Variants in LINC00632 observed in about 807,000 individuals in gnomAD.
The protein encoded by LINC00632 is long independently transcribed non-coding RNA 632.
intron 3 of LINC00632, among the ~76,000 whole-genome samples, chrX:140,759,288 CT>C (rs1462565640): frequency 3.1e-4 from 26 of 84,481 alleles, no homozygotes; most frequent in African/African-American, 1.3e-3. Flanking sequence ...TTCTTTCTTT[CT>C]TTCCTTCCTT....
chrX:140,785,184 TATAATAATAATAATA>T (rs777271354), exon 5 of LINC00632, among the ~76,000 whole-genome samples: 5 of 104,802 alleles, frequency 4.8e-5, no homozygotes, highest in African/African-American at 1.7e-4. Flanking sequence ...ATAATAATAA[TATAATAATAATAATA>T]ATAATAATAA....
chrX:140,732,254 G>T (rs1341525499), intron 2 of LINC00632, among the ~76,000 whole-genome samples: 2 of 111,447 alleles, frequency 1.8e-5, no homozygotes. Flanking sequence ...ACAGGCCCAT[G>T]CATAAAGAGC....
intron 2 of LINC00632, among the ~76,000 whole-genome samples, chrX:140,718,410 T>C (rs1324252194): frequency 9.9e-6 from 1 of 100,548 alleles, no homozygotes; most frequent in Admixed American, 1.0e-4. Context: ...ACTGCACCTA[T>C]TCTTTTTTTT....
In LINC00632 at chrX:140,789,825, A is replaced by C. The variant is rs147323170; in HGVS notation, n.17844A>C. On this transcript the variant is annotated non_coding_transcript_exon_variant, in exon 5 of 5. Transcript: ENST00000648200. The stretch of plus-strand genomic sequence containing the variant: ...GTCTTTTTTTATTATTAATTTGTAG[A>C]TCTCTGGATATTGGAGCTGATATCC... Among the ~76,000 whole-genome samples the C allele has an allele frequency of 7.7e-3, 854 of 110,397 alleles. 13 individuals carry two copies. Among genetic ancestry groups the C allele is most frequent in the African/African-American group, 0.027 (810 of 30,483 alleles).
chrX:140,750,608 T>C (rs1931397360), intron 3 of LINC00632, among the ~76,000 whole-genome samples: 1 of 111,325 alleles, frequency 9.0e-6, no homozygotes, highest in African/African-American at 3.3e-5. Context: ...TTAAAAACCA[T>C]GTCTATTGAT....
chrX:140,762,242 A>AGGGAGAGAGAGAGAGAGAGAGC (rs1286418753), intron 3 of LINC00632, among the ~76,000 whole-genome samples: 2,050 of 99,793 alleles, frequency 0.021, 64 homozygotes, highest in African/African-American at 0.073. Context: ...AGAGAGAGAG[A>AGGGAGAGAGAGAGAGAGAGAGC]GCACTCTTAT....
At chrX:140,758,264 T>C (rs1315657590) in intron 3 of LINC00632, among the ~76,000 whole-genome samples, 3 of 111,593 alleles carry the variant, frequency 2.7e-5, no homozygotes, top group Non-Finnish European at 5.6e-5. Context: ...AATTGTGATG[T>C]GAAAGGAATA....
exon 5 of LINC00632, among the ~76,000 whole-genome samples, chrX:140,785,338 A>G (rs988846760): frequency 1.8e-5 from 2 of 111,719 alleles, no homozygotes; most frequent in African/African-American, 6.5e-5. Context: ...CATTATCCCT[A>G]TTTTACAGAT....
At chrX:140,771,843 C>G (rs1931804500) in intron 3 of LINC00632, among the ~76,000 whole-genome samples, 4 of 96,226 alleles carry the variant, frequency 4.2e-5, no homozygotes, top group Admixed American at 2.1e-4. Context: ...CCATGCCCAG[C>G]TAATTTTTTT....
rs183578978 is a variant in LINC00632 at position 140,763,212 on chromosome X, A to C, written n.192-8866A>C. On this transcript the variant is annotated intron_variant and non_coding_transcript_variant, in intron 3 of 4. Coordinates refer to ENST00000648200, the Ensembl canonical transcript of LINC00632. ...GGAGTTCAAAACCAGCCTGGCCAAC[A>C]TGGTGAAACCCCGTCTCTATTAAAA... Among the ~76,000 whole-genome samples the C allele has an allele frequency of 4.1e-4, 46 of 111,078 alleles. No homozygotes were observed. In the East Asian group the frequency reaches 0.012, roughly 29 times the overall value.
chrX:140,710,410 G>GA (rs970992497), intron 1 of LINC00632, among the ~76,000 whole-genome samples: 1 of 111,293 alleles, frequency 9.0e-6, no homozygotes, highest in African/African-American at 3.3e-5. Context: ...ACTTTAGGAT[G>GA]AAAAAATCAT....
intron 2 of LINC00632, among the ~76,000 whole-genome samples, chrX:140,730,603 T>C (rs951593323): frequency 5.6e-4 from 62 of 110,213 alleles, no homozygotes; most frequent in African/African-American, 2.0e-3. Context: ...AACAGGCATA[T>C]ACAGGGAAAA....
intron 2 of LINC00632, among the ~76,000 whole-genome samples, chrX:140,713,303 C>T (rs1337342438): frequency 9.1e-6 from 1 of 110,287 alleles, no homozygotes; most frequent in South Asian, 3.9e-4. Context: ...CCACCGATGC[C>T]CTCAGGGCCC....
At chrX:140,723,425 C>T (rs868736999) in intron 2 of LINC00632, among the ~76,000 whole-genome samples, 1 of 8,642 alleles carries the variant, frequency 1.2e-4, no homozygotes. Context: ...ATTCCATACA[C>T]ACACATTCCA....
intron 3 of LINC00632, among the ~76,000 whole-genome samples, chrX:140,739,157 C>T: frequency 9.0e-6 from 1 of 111,346 alleles, no homozygotes; most frequent in Admixed American, 9.6e-5. Flanking sequence ...TCAGACTCTT[C>T]ATAATTCCAG....
intron 3 of LINC00632, among the ~76,000 whole-genome samples, chrX:140,742,538 A>G (rs1163186380): frequency 9.0e-6 from 1 of 111,231 alleles, no homozygotes; most frequent in African/African-American, 3.3e-5. Flanking sequence ...ATCCAAGTAG[A>G]CAACTTTTTA....
intron 2 of LINC00632, among the ~76,000 whole-genome samples, chrX:140,732,713 A>G (rs1015439386): frequency 2.7e-5 from 3 of 111,585 alleles, no homozygotes; most frequent in African/African-American, 9.8e-5. Flanking sequence ...TATACATATG[A>G]AAAGCAGAGA....
chrX:140,719,394 G>A (rs1447053155), intron 2 of LINC00632, among the ~76,000 whole-genome samples: 1 of 110,269 alleles, frequency 9.1e-6, no homozygotes, highest in African/African-American at 3.3e-5. Context: ...TGCCTCCCAG[G>A]TTCTAGCGAT....
chrX:140,754,065 C>T (rs994460466), intron 3 of LINC00632, among the ~76,000 whole-genome samples: 1 of 111,672 alleles, frequency 9.0e-6, no homozygotes, highest in Non-Finnish European at 1.9e-5. Context: ...CGGGCCACCG[C>T]GTCCGGCTAG....
Sources: allele counts gnomAD v4.1 joint callset (sites outside exome capture counted in the v4.1 genomes callset), GRCh38; gene constraint gnomAD v4.1.1; transcripts MANE v1.5; gene names NCBI Gene and HGNC (gene_info 2026-07-23, HGNC 2026-07-21).